DDX60L: variants seen among roughly 807,000 people sequenced by gnomAD.
The protein encoded by DDX60L is DExD/H-box 60 like.
In DDX60L, 191 loss-of-function variants were observed where a neutral mutation model predicts 211.6. That is an observed-to-expected ratio of 0.90 (90% CI 0.80 to 1.02). The LOEUF (loss-of-function observed/expected upper bound fraction) is 1.02, where lower values mean the gene tolerates loss of function less well. Ranked by LOEUF, DDX60L falls within the 50% of genes least tolerant of loss-of-function variation. The pLI is 0.00. For missense variants in DDX60L, 2,007 were observed against 1,984.1 expected, an observed-to-expected ratio of 1.01 and a Z score of -0.22; for synonymous variants, 706 against 694.1, an observed-to-expected ratio of 1.02 and a Z score of -0.27.
chr4:168,382,178 C>G (rs1743082051), intron 30 of DDX60L, among the ~76,000 whole-genome samples: 1 of 152,198 alleles, frequency 6.6e-6, no homozygotes, highest in African/African-American at 2.4e-5. Flanking sequence ...ATATATTACT[C>G]AACATGGGGT....
chr4:168,409,339 C>G (rs528224682), intron 22 of DDX60L, among the ~76,000 whole-genome samples: 14 of 152,308 alleles, frequency 9.2e-5, no homozygotes, highest in Admixed American at 9.1e-4. Context: ...AAATGATGAT[C>G]TTACCAAGAA....
At chr4:168,431,122 C>T (rs1752279357) in intron 12 of DDX60L, among the ~76,000 whole-genome samples, 1 of 152,128 alleles carries the variant, frequency 6.6e-6, no homozygotes, top group South Asian at 2.1e-4. Flanking sequence ...TCTGTTTGCA[C>T]TCCTAAAAAG....
At chr4:168,361,027 G>A in intron 37 of DDX60L, 122 bp downstream of exon 37, 1 of 713,052 alleles carries the variant, frequency 1.4e-6, no homozygotes, top group Non-Finnish European at 2.4e-6. Flanking sequence ...GAACCTGGGA[G>A]GCTCAATAGT....
At chr4:168,385,428 C>A (rs1404292310) in intron 29 of DDX60L, among the ~76,000 whole-genome samples, 1 of 152,116 alleles carries the variant, frequency 6.6e-6, no homozygotes, top group African/African-American at 2.4e-5. Flanking sequence ...TTTATAATAT[C>A]CTTCATAATA....
Position 168,420,255 on chromosome 4 carries a change from T to A in DDX60L, c.2514+6A>T. Reference sequence around the variant, plus strand: ...GATAATAAACTCATTAATTAATATGTCATACCTGACAGTTTAGTACATTGT... The same window carrying A: ...GATAATAAACTCATTAATTAATATGACATACCTGACAGTTTAGTACATTGT... On this transcript the variant is annotated splice_donor_region_variant and intron_variant, in intron 18 of 37. Transcript: ENST00000682922. 6 of 1,576,412 alleles carry A rather than the reference T, an allele frequency of 3.8e-6. No homozygotes were observed. The highest frequency in any genetic ancestry group is 3.4e-6 in the Non-Finnish European group (4 of 1,163,694).
chr4:168,477,260 A>G (rs1273640856), intron 1 of DDX60L, among the ~76,000 whole-genome samples: 1 of 151,948 alleles, frequency 6.6e-6, no homozygotes, highest in Non-Finnish European at 1.5e-5. Flanking sequence ...CTAAAAATAC[A>G]AAAAATTAGC....
chr4:168,407,161 G>A (rs765793847), intron 22 of DDX60L, among the ~76,000 whole-genome samples: 6 of 152,094 alleles, frequency 3.9e-5, no homozygotes, highest in East Asian at 1.9e-4. Context: ...ACCAAGCCAC[G>A]TAAAAAGGGA....
chr4:168,443,842 C>G (rs1754326116), intron 9 of DDX60L, among the ~76,000 whole-genome samples: 1 of 150,882 alleles, frequency 6.6e-6, no homozygotes, highest in African/African-American at 2.4e-5. Flanking sequence ...GATTTTGTCA[C>G]CACCAGGCCT....
Position 168,358,209 on chromosome 4 carries a change from G to C in DDX60L, c.5059C>G (p.Gln1687Glu). 1 of 1,605,194 alleles carries C rather than the reference G, an allele frequency of 6.2e-7. No homozygotes were observed. Among genetic ancestry groups the C allele is most frequent in the Non-Finnish European group, 8.5e-7 (1 of 1,175,004 alleles). ...TCTTGAAGTTTCTCATAAAAGGTTT[G>C]ACTCAATTGTTTAAATGCCAGGACT... ...NVVLAFKQLSQTFYEKLQEMQ... is the reference protein window; with the variant it reads ...NVVLAFKQLSETFYEKLQEMQ... The change falls in exon 38 of 38, where the codon CAA (glutamine) becomes GAA (glutamate). Residue 1687 changes from glutamine (Q) to glutamate (E), a missense_variant. Transcript: ENST00000682922.
In DDX60L at chr4:168,423,632, C is replaced by T; in HGVS notation, c.2073G>A (p.Leu691=). The T allele has an allele frequency of 6.3e-7, 1 of 1,582,902 alleles. No homozygotes were observed. The highest frequency in any genetic ancestry group is 1.4e-5 in the African/African-American group (1 of 73,996). ...KCLKYLGFND[L]ANSLDPTLIG... is the part of the protein sequence containing the mutation. ...CCAGAGTTGGATCCAAAGAGTTTGC[C>T]AGATCATTAAAGCCTAAATATTTAA... is the stretch of plus-strand genomic sequence containing the variant. The change falls in exon 15 of 38, where the codon CTG becomes CTA. Residue 691 remains leucine (L), a synonymous_variant. Coordinates refer to ENST00000682922, the MANE Select transcript of DDX60L (RefSeq NM_001012967.3).
At chr4:168,393,368 T>C (rs1745195471) in intron 28 of DDX60L, among the ~76,000 whole-genome samples, 2 of 151,968 alleles carry the variant, frequency 1.3e-5, no homozygotes, top group East Asian at 1.9e-4. Flanking sequence ...TGGTGGTGCA[T>C]GCCTGTAATC....
At position 168,477,395 on chromosome 4, in the gene DDX60L, A is replaced by G. The variant is rs541663565; in HGVS notation, c.-111+2982T>C. Among the ~76,000 whole-genome samples the G allele has an allele frequency of 6.6e-5, 10 of 152,068 alleles. No individual in the cohort carries two copies. The South Asian group carries it at 1.9e-3, about 28-fold the overall frequency. ...ACGCCACTGCACTCCAGCCTGGGCGACAGAGCAAGACTCTGTCTAAAAAAA... is the reference window on the plus strand; with the variant it reads ...ACGCCACTGCACTCCAGCCTGGGCGGCAGAGCAAGACTCTGTCTAAAAAAA... On this transcript the variant is annotated intron_variant, in intron 1 of 37. Transcript: ENST00000682922.
intron 19 of DDX60L, 110 bp downstream of exon 19, chr4:168,419,192 T>A: frequency 1.5e-6 from 1 of 667,972 alleles, no homozygotes; most frequent in Non-Finnish European, 2.4e-6. Flanking sequence ...GTACCCTGGC[T>A]GACGCACAAC....
intron 32 of DDX60L, 137 bp downstream of exon 32, chr4:168,379,226 T>C: frequency 1.3e-6 from 1 of 747,796 alleles, no homozygotes; most frequent in East Asian, 3.1e-5. Context: ...TTGGCATCTG[T>C]AAATCTGAAC....
intron 9 of DDX60L, among the ~76,000 whole-genome samples, chr4:168,446,239 G>C (rs1442803013): frequency 6.6e-6 from 1 of 152,188 alleles, no homozygotes; most frequent in African/African-American, 2.4e-5. Context: ...ACCAACAACA[G>C]ACAAACAGAG....
chr4:168,390,491 T>A (rs1365527842), intron 29 of DDX60L: 8 of 1,393,348 alleles, frequency 5.7e-6, no homozygotes, highest in Non-Finnish European at 7.4e-6. Flanking sequence ...CTCTGTAAAA[T>A]CACAGTCTTC....
chr4:168,369,582 C>G (rs764858211), intron 36 of DDX60L, among the ~76,000 whole-genome samples: 2 of 150,186 alleles, frequency 1.3e-5, no homozygotes, highest in Non-Finnish European at 1.5e-5. Context: ...CAAAAATAGA[C>G]AAAAGAGATT....
chr4:168,431,615 A>G (rs953933123), intron 12 of DDX60L, among the ~76,000 whole-genome samples: 33 of 151,656 alleles, frequency 2.2e-4, no homozygotes, highest in South Asian at 1.3e-3. Flanking sequence ...TGACGAGTTA[A>G]TGGGTGCAGC....
chr4:168,402,529 C>T (rs1300043589), intron 25 of DDX60L, among the ~76,000 whole-genome samples: 1 of 152,040 alleles, frequency 6.6e-6, no homozygotes, highest in Non-Finnish European at 1.5e-5. Context: ...TATCACAACC[C>T]AATGAATTAG....
Sources: gnomAD v4.1 joint callset for allele counts (sites outside exome capture counted in the v4.1 genomes callset) on GRCh38, gnomAD v4.1.1 for gene constraint, MANE v1.5 for transcripts, NCBI Gene and HGNC (gene_info 2026-07-23, HGNC 2026-07-21) for gene names.